Variants in CMYA5 observed in about 807,000 individuals in gnomAD.
CMYA5 encodes the protein cardiomyopathy-associated protein 5.
In CMYA5, 246 loss-of-function variants were observed where a neutral mutation model predicts 318.9. That is an observed-to-expected ratio of 0.77 (90% CI 0.70 to 0.86). The LOEUF is 0.86. Ranked by LOEUF, CMYA5 falls within the 40% of genes least tolerant of loss-of-function variation. The probability of loss-of-function intolerance (pLI) is 0.00; values close to 1 mark genes in which losing one functional copy is unlikely to be tolerated. For missense variants in CMYA5, 4,589 were observed against 4,678.2 expected, an observed-to-expected ratio of 0.98 and a Z score of 0.56; for synonymous variants, 1,641 against 1,729.5, an observed-to-expected ratio of 0.95 and a Z score of 1.27.
At chr5:79,778,848 C>T (rs1178962449) in intron 9 of CMYA5, among the ~76,000 whole-genome samples, 1 of 60,928 alleles carries the variant, frequency 1.6e-5, no homozygotes, top group African/African-American at 1.1e-4. Context: ...TGTTTATTCA[C>T]TCATGTTTTT....
In CMYA5 at chr5:79,763,067, T is replaced by TCCA. The variant is rs1400510859; in HGVS notation, c.11416_11418dup (p.Thr3806dup). 1 of 1,613,184 alleles carries TCCA rather than the reference T, an allele frequency of 6.2e-7. No individual in the cohort carries two copies. The highest frequency in any genetic ancestry group is 8.5e-7 in the Non-Finnish European group (1 of 1,179,438). ...TCCTGACTCTCTTTCTGCAGCACCCTCCACCCCTGTGATCCGCGCTGAGGA... is the reference window on the plus strand; with the variant it reads ...TCCTGACTCTCTTTCTGCAGCACCCTCCACCACCCCTGTGATCCGCGCTGAGGA... On this transcript the variant is annotated inframe_insertion, in exon 9 of 13. Transcript: ENST00000446378.
chr5:79,738,614 G>A lies in CMYA5; in HGVS notation c.9849G>A (p.Trp3283Ter). The A allele has an allele frequency of 2.5e-6, 4 of 1,613,818 alleles. No homozygotes were observed. Among genetic ancestry groups the A allele is most frequent in the Non-Finnish European group, 3.4e-6 (4 of 1,179,860 alleles). The change falls in exon 2 of 13, where the codon TGG becomes TGA. Residue 3283 changes from tryptophan to a stop codon, truncating the protein, a stop_gained. Coordinates refer to ENST00000446378, the MANE Select transcript of CMYA5 (RefSeq NM_153610.5). LOFTEE classifies it high-confidence loss of function. ...CGATAGCTGCAGAAGGGGAAATTTGGGGAAAGTTTGGAACTATTTGCAGGG... is the reference window on the plus strand; with the variant it reads ...CGATAGCTGCAGAAGGGGAAATTTGAGGAAAGTTTGGAACTATTTGCAGGG... ...YQPIAAEGEI[W>*]GKFGTICREK...
At chr5:79,744,895 T>C (rs1289902244) in intron 3 of CMYA5, among the ~76,000 whole-genome samples, 11 of 152,220 alleles carry the variant, frequency 7.2e-5, no homozygotes. Context: ...AGGCCAGGGA[T>C]GCTCACTCAA....
At chr5:79,739,500 C>A in intron 2 of CMYA5, 97 bp downstream of exon 2, 2 of 983,338 alleles carry the variant, frequency 2.0e-6, no homozygotes, top group Non-Finnish European at 1.4e-6. Flanking sequence ...AATATTTGAT[C>A]ATTGATCTTT....
intron 9 of CMYA5, among the ~76,000 whole-genome samples, chr5:79,785,628 C>G (rs1462925437): frequency 6.6e-6 from 1 of 151,932 alleles, no homozygotes; most frequent in African/African-American, 2.4e-5. Flanking sequence ...TTATATCTAG[C>G]CATCTTACTG....
In CMYA5 at chr5:79,752,686, G is replaced by C. The variant is rs1258782384; in HGVS notation, c.11002G>C (p.Ala3668Pro). Reference protein sequence around the residue: ...FEEINERLLSAMESTASLEKM... With the variant: ...FEEINERLLSPMESTASLEKM... ...TCTATTCCCCGATAGGTTGCTTTCT[G>C]CAATGGAGAGCACTGCTTCTTTAGA... Residue 3668 changes from alanine (A) to proline (P), a missense_variant, in exon 6 of 13, where the codon GCA becomes CCA. This residue lies in a region of CMYA5 where 2,431 missense variants were observed against 2,495.1 expected (regional missense o/e 0.97). Coordinates refer to ENST00000446378, the MANE Select transcript of CMYA5 (RefSeq NM_153610.5). 6.2e-7 allele frequency: 1 copy of C among 1,612,222 alleles called. No individual in the cohort carries two copies. Among genetic ancestry groups the C allele is most frequent in the South Asian group, 1.1e-5 (1 of 90,978 alleles).
chr5:79,745,168 A>AAT, intron 3 of CMYA5, 54 bp from the exon 4 acceptor site: 2 of 1,165,634 alleles, frequency 1.7e-6, no homozygotes, highest in African/African-American at 1.6e-5. Flanking sequence ...AAAAAAAAAA[A>AAT]GCAGCATTTC....
At chr5:79,709,610 A>G (rs903735923) in intron 1 of CMYA5, among the ~76,000 whole-genome samples, 1 of 151,248 alleles carries the variant, frequency 6.6e-6, no homozygotes, top group African/African-American at 2.4e-5. Context: ...TTCAGAGTCC[A>G]CATTGCAACT....
intron 9 of CMYA5, among the ~76,000 whole-genome samples, chr5:79,770,559 G>C (rs1828836561): frequency 6.6e-6 from 1 of 152,118 alleles, no homozygotes; most frequent in Admixed American, 6.6e-5. Context: ...TCGACCCCTT[G>C]TGCTTCCCGG....
chr5:79,754,083 C>G (rs893625524), intron 6 of CMYA5, among the ~76,000 whole-genome samples: 2 of 152,172 alleles, frequency 1.3e-5, no homozygotes, highest in Non-Finnish European at 2.9e-5. Flanking sequence ...GTGCACATGG[C>G]GGTCCCTGTG....
At chr5:79,795,537 C>T (rs1317840180) in intron 12 of CMYA5, among the ~76,000 whole-genome samples, 1 of 152,194 alleles carries the variant, frequency 6.6e-6, no homozygotes, top group Non-Finnish European at 1.5e-5. Flanking sequence ...ACCCAGCCTG[C>T]ACCCTCACTT....
intron 1 of CMYA5, among the ~76,000 whole-genome samples, chr5:79,726,792 C>G (rs142493445): frequency 6.6e-6 from 1 of 152,014 alleles, no homozygotes; most frequent in Admixed American, 6.6e-5. Context: ...GTTGAGTGCA[C>G]CTGCAAGGAC....
In CMYA5 at chr5:79,734,210, T is replaced by A; in HGVS notation, c.5445T>A (p.Ser1815=). ...SITEPSKIAP[S]DLLVEQKKTE... is the part of the protein sequence containing the mutation. ...CAGAACCATCAAAGATTGCTCCTTC[T>A]GACCTCCTTGTAGAACAAAAAAAGA... The change falls in exon 2 of 13, where the codon TCT becomes TCA. Residue 1815 remains serine (S), a synonymous_variant. Coordinates refer to ENST00000446378, the MANE Select transcript of CMYA5 (RefSeq NM_153610.5). 1.2e-6 allele frequency: 2 copies of A among 1,613,828 alleles called. No individual in the cohort carries two copies. The highest frequency in any genetic ancestry group is 1.7e-6 in the Non-Finnish European group (2 of 1,179,800).
rs189040782 is a variant in CMYA5, at chr5:79,731,374, C to T, written c.2609C>T (p.Pro870Leu). ...TTEMTSECQA[P>L]PLSATPSEYV... ...GAGATGACTTCTGAATGCCAGGCCC[C>T]ACCACTTTCAGCCACCCCATCTGAA... Residue 870 changes from proline (P) to leucine (L), a missense_variant, in exon 2 of 13, where the codon CCA becomes CTA. This residue lies in a region of CMYA5 where 2,132 missense variants were observed against 2,131.3 expected (regional missense o/e 1.00). Transcript: ENST00000446378. 6.2e-7 allele frequency: 1 copy of T among 1,613,928 alleles called. No individual in the cohort carries two copies. Among genetic ancestry groups the T allele is most frequent in the East Asian group, 2.2e-5 (1 of 44,886 alleles).
Position 79,732,312 on chromosome 5 carries a change from G to T in CMYA5, c.3547G>T (p.Glu1183Ter), listed in dbSNP as rs1166057346. 10 of 1,613,674 alleles carry T rather than the reference G, an allele frequency of 6.2e-6. No homozygotes were observed. The highest frequency in any genetic ancestry group is 1.7e-5 in the Admixed American group (1 of 59,916). The change falls in exon 2 of 13, where the codon GAA (glutamate) becomes TAA (stop). Residue 1183 changes from glutamate to a stop codon, truncating the protein, a stop_gained. Transcript: ENST00000446378. LOFTEE classifies it high-confidence loss of function. ...TGATTCAGTCCCTGCAATCAAGAAA[G>T]AACAGGAACCCACAGCAGCACTCAC... ...LPDSVPAIKK[E>*]QEPTAALTLK...
Position 79,763,148 on chromosome 5 carries a change from G to A in CMYA5, c.11494G>A (p.Ala3832Thr), listed in dbSNP as rs1256927418. The part of the protein sequence containing the change: ...TIRWRPTTPE[A>T]TETYTLEYCR... The stretch of plus-strand genomic sequence containing the variant: ...CCGATGGCGGCCCACCACCCCAGAG[G>A]CCACGGAGACCTACACTCTGGAGTA... Residue 3832 changes from alanine to threonine, a missense_variant, in exon 9 of 13, where the codon GCC (alanine) becomes ACC (threonine). Ala to Thr is a moderately conservative substitution (Grantham distance 58, BLOSUM62 0). This residue lies in a region of CMYA5 where 2,431 missense variants were observed against 2,495.1 expected (regional missense o/e 0.97). Coordinates refer to ENST00000446378, the MANE Select transcript of CMYA5 (RefSeq NM_153610.5). 6.3e-7 allele frequency: 1 copy of A among 1,589,960 alleles called. No individual in the cohort carries two copies. The highest frequency in any genetic ancestry group is 8.6e-7 in the Non-Finnish European group (1 of 1,168,998).
intron 10 of CMYA5, among the ~76,000 whole-genome samples, chr5:79,789,584 T>C (rs1399653405): frequency 1.3e-5 from 2 of 152,092 alleles, no homozygotes; most frequent in East Asian, 3.9e-4. Flanking sequence ...CCACCATGCC[T>C]GGCTAATTTT....
chr5:79,730,515 G>A lies in CMYA5; in HGVS notation c.1750G>A (p.Glu584Lys). The change falls in exon 2 of 13, where the codon GAA (glutamate) becomes AAA (lysine). Residue 584 changes from glutamate (E) to lysine (K), a missense_variant. Around this residue, in one of 3 missense-constraint regions of CMYA5, gnomAD observed 2,132 missense variants for 2,131.3 expected, o/e 1.00. Coordinates refer to ENST00000446378, the MANE Select transcript of CMYA5 (RefSeq NM_153610.5). ...TGCTTTGTCTGAGGAAGAAAGAGAGGAAATTGCATCTGTTTCTACTGGTTC... is the reference window on the plus strand; with the variant it reads ...TGCTTTGTCTGAGGAAGAAAGAGAGAAAATTGCATCTGTTTCTACTGGTTC... ...HVALSEEERE[E>K]IASVSTGSAF... The A allele has an allele frequency of 6.2e-7, 1 of 1,613,912 alleles. No individual in the cohort carries two copies. Among genetic ancestry groups the A allele is most frequent in the Non-Finnish European group, 8.5e-7 (1 of 1,179,868 alleles).
intron 9 of CMYA5, among the ~76,000 whole-genome samples, chr5:79,770,268 C>A (rs1341035127): frequency 1.3e-5 from 2 of 152,280 alleles, no homozygotes; most frequent in East Asian, 3.9e-4. Flanking sequence ...CTGAGCTAGA[C>A]CACTTGGCTC....
Sources: gnomAD v4.1 joint callset for allele counts (sites outside exome capture counted in the v4.1 genomes callset) on GRCh38, gnomAD v4.1.1 for gene constraint, gnomAD v4.1.1 regional missense constraint, MANE v1.5 for transcripts, NCBI Gene and HGNC (gene_info 2026-07-23, HGNC 2026-07-21) for gene names.